DNM3: variants seen among roughly 807,000 people sequenced by gnomAD.
DNM3 encodes dynamin-3.
Under a neutral mutation model 101.6 loss-of-function variants are expected in DNM3, and 47 were observed. The ratio of observed to expected loss-of-function variants is 0.46; its 90% CI spans 0.37 to 0.59. DNM3 has a LOEUF of 0.59. DNM3 is among the 20% of genes least tolerant of loss of function. DNM3 has a pLI of 0.00. For synonymous variants in DNM3, 385 were observed against 387.9 expected, an observed-to-expected ratio of 0.99 and a Z score of 0.09; for missense variants, 849 against 1,085.7, an observed-to-expected ratio of 0.78 and a Z score of 3.06.
rs373963016 is a variant in DNM3 at position 172,088,899 on chromosome 1, AT to A, written c.1494-3923del. Among the ~76,000 whole-genome samples, 300 of 152,298 alleles carry A rather than the reference AT, an allele frequency of 2.0e-3. 2 individuals carry two copies. The highest frequency in any genetic ancestry group is 6.6e-3 in the African/African-American group (276 of 41,558). Reference sequence around the variant, plus strand: ...AAGAGATAACATTAGGGGTTCTCTGATTGTCTTCTAATGTACTCTTATTTTT... The same window carrying A: ...AAGAGATAACATTAGGGGTTCTCTGATGTCTTCTAATGTACTCTTATTTTT... On this transcript the variant is annotated intron_variant, in intron 12 of 20. Coordinates refer to ENST00000627582, the MANE Select transcript of DNM3 (RefSeq NM_015569.5).
intron 14 of DNM3, among the ~76,000 whole-genome samples, chr1:172,214,367 C>T (rs1274118513): frequency 6.6e-6 from 1 of 151,990 alleles, no homozygotes; most frequent in Admixed American, 6.6e-5. Flanking sequence ...ATGGGTGCAG[C>T]ACACCAACAT....
chr1:172,279,991 G>A (rs1439988495), intron 15 of DNM3, among the ~76,000 whole-genome samples: 3 of 152,100 alleles, frequency 2.0e-5, no homozygotes, highest in African/African-American at 7.2e-5. Context: ...CATGGCCTAT[G>A]AGCCCCTCCA....
chr1:172,021,332 G>A (rs2047838215), intron 4 of DNM3, among the ~76,000 whole-genome samples: 1 of 151,740 alleles, frequency 6.6e-6, no homozygotes, highest in South Asian at 2.1e-4. Flanking sequence ...AATTACCCAA[G>A]TATGGTGGTG....
chr1:171,917,722 A>C (rs1276162962), intron 1 of DNM3, among the ~76,000 whole-genome samples: 1 of 152,202 alleles, frequency 6.6e-6, no homozygotes, highest in Non-Finnish European at 1.5e-5. Flanking sequence ...TTGAAGGTAC[A>C]TTTTGCAGGA....
At chr1:172,342,463 T>A (rs1377331617) in intron 17 of DNM3, among the ~76,000 whole-genome samples, 3 of 152,134 alleles carry the variant, frequency 2.0e-5, no homozygotes, top group Admixed American at 1.3e-4. Flanking sequence ...TGCAGCAACA[T>A]GGATGAAGCT....
chr1:172,063,378 T>C (rs2051399747), intron 10 of DNM3, among the ~76,000 whole-genome samples: 1 of 152,078 alleles, frequency 6.6e-6, no homozygotes, highest in Non-Finnish European at 1.5e-5. Flanking sequence ...GTGTTTTTTT[T>C]TTTCTCTAGG....
chr1:171,887,853 TG>T (rs1477449950), intron 1 of DNM3, among the ~76,000 whole-genome samples: 3 of 152,132 alleles, frequency 2.0e-5, no homozygotes, highest in Non-Finnish European at 4.4e-5. Flanking sequence ...TCATCTAATA[TG>T]TTTTTTTTCC....
intron 14 of DNM3, among the ~76,000 whole-genome samples, chr1:172,217,226 G>T (rs1362863194): frequency 2.0e-5 from 3 of 152,090 alleles, no homozygotes; most frequent in Non-Finnish European, 4.4e-5. Flanking sequence ...AATATGGAAA[G>T]GTGGAGAAAT....
At chr1:172,228,400 T>C (rs887841249) in intron 14 of DNM3, among the ~76,000 whole-genome samples, 2 of 152,068 alleles carry the variant, frequency 1.3e-5, no homozygotes, top group African/African-American at 4.8e-5. Flanking sequence ...TCGGTTTCAC[T>C]CTTTCTTCGC....
In DNM3 at chr1:171,997,212, C is replaced by T. The variant is rs150499351; in HGVS notation, c.589+8064C>T. Among the ~76,000 whole-genome samples, 462 of 152,090 alleles carry T rather than the reference C, an allele frequency of 3.0e-3. 3 individuals are homozygous for T. Among genetic ancestry groups the T allele is most frequent in the African/African-American group, 0.01 (417 of 41,508 alleles). On this transcript the variant is annotated intron_variant, in intron 4 of 20. Transcript: ENST00000627582. ...TTATATTTCATAATTCAAACTACTG[C>T]CCACACCCATATGATTTAATGAGGC...
intron 15 of DNM3, among the ~76,000 whole-genome samples, chr1:172,295,226 G>C (rs2586406): frequency 0.14 from 21,758 of 152,116 alleles, 2,748 homozygotes; most frequent in African/African-American, 0.34. Context: ...GAAATCCAGA[G>C]AGGCAACTTT....
chr1:172,025,603 A>T (rs1020477624), intron 4 of DNM3, among the ~76,000 whole-genome samples: 1 of 152,184 alleles, frequency 6.6e-6, no homozygotes, highest in Non-Finnish European at 1.5e-5. Flanking sequence ...TTCCAGAGGA[A>T]GGAACAGACA....
At chr1:171,920,781 T>C (rs1344675105) in intron 1 of DNM3, among the ~76,000 whole-genome samples, 3 of 152,220 alleles carry the variant, frequency 2.0e-5, no homozygotes, top group Non-Finnish European at 2.9e-5. Context: ...TAATATGTCA[T>C]TTAAAATATG....
In DNM3 at chr1:171,904,236, A is replaced by T. The variant is rs529568204; in HGVS notation, c.162-17512A>T. Among the ~76,000 whole-genome samples the T allele has an allele frequency of 5.3e-5, 8 of 152,020 alleles. No homozygotes were observed. In the South Asian group the frequency reaches 1.7e-3, roughly 32 times the overall value. On this transcript the variant is annotated intron_variant, in intron 1 of 20. Transcript: ENST00000627582. ...CTGAGGTGGATCACCTGAGCCCAGG[A>T]GATAGAGGTTGCAGTGAGCTGAGAT...
At chr1:172,170,292 C>CA (rs1338117967) in intron 14 of DNM3, among the ~76,000 whole-genome samples, 2 of 151,908 alleles carry the variant, frequency 1.3e-5, no homozygotes, top group East Asian at 3.9e-4. Flanking sequence ...CTTGGGATGT[C>CA]AGATATCTTG....
At chr1:172,087,555 T>C (rs2053616233) in intron 12 of DNM3, among the ~76,000 whole-genome samples, 1 of 152,196 alleles carries the variant, frequency 6.6e-6, no homozygotes, top group Non-Finnish European at 1.5e-5. Flanking sequence ...TCTATGTTGT[T>C]CCCACTTTCT....
intron 20 of DNM3, chr1:172,393,967 T>C (rs2069750290): frequency 6.6e-6 from 1 of 152,272 alleles, no homozygotes. Flanking sequence ...TATACTTTAA[T>C]GAAAATAGAA....
At chr1:172,147,134 A>G (rs2057941176) in intron 14 of DNM3, among the ~76,000 whole-genome samples, 2 of 151,982 alleles carry the variant, frequency 1.3e-5, no homozygotes, top group African/African-American at 4.8e-5. Context: ...ATTCTTGCCT[A>G]CTCACCTGCT....
At chr1:172,130,783 G>A (rs543604729) in intron 13 of DNM3, among the ~76,000 whole-genome samples, 9 of 152,334 alleles carry the variant, frequency 5.9e-5, no homozygotes, top group Admixed American at 2.0e-4. Context: ...AAATGGGCCA[G>A]TAGGCTGGAA....
Sources: allele counts gnomAD v4.1 joint callset (sites outside exome capture counted in the v4.1 genomes callset), GRCh38; gene constraint gnomAD v4.1.1; transcripts MANE v1.5; gene names NCBI Gene and HGNC (gene_info 2026-07-23, HGNC 2026-07-21).